LRSAM1: variants seen among roughly 807,000 people sequenced by gnomAD.
The protein encoded by LRSAM1 is E3 ubiquitin-protein ligase LRSAM1.
In LRSAM1, 96 loss-of-function variants were observed where a neutral mutation model predicts 118.1. The observed-to-expected ratio is 0.81, with a 90% CI of 0.69 to 0.96. The LOEUF is 0.96. LRSAM1 is among the 40% of genes least tolerant of loss of function. LRSAM1 has a pLI of 0.00. For missense variants in LRSAM1, 804 were observed against 915.5 expected, an observed-to-expected ratio of 0.88 and a Z score of 1.57; for synonymous variants, 322 against 364.2, an observed-to-expected ratio of 0.88 and a Z score of 1.32.
At position 127,484,496 on chromosome 9, in the gene LRSAM1, G is replaced by C. The variant is rs571464285; in HGVS notation, c.1160-1240G>C. Among the ~76,000 whole-genome samples the C allele has an allele frequency of 3.3e-5, 5 of 151,068 alleles. No individual in the cohort carries two copies. The East Asian group carries it at 9.8e-4, about 29-fold the overall frequency. On this transcript the variant is annotated intron_variant, in intron 16 of 25. Transcript: ENST00000300417. Reference sequence around the variant, plus strand: ...TCCCACTACAGCCTCCCAAGTAGTGGGGACTACAGACACATGCCACCTCAC... The same window carrying C: ...TCCCACTACAGCCTCCCAAGTAGTGCGGACTACAGACACATGCCACCTCAC...
At chr9:127,486,084 G>A (rs1255288043) in intron 17 of LRSAM1, among the ~76,000 whole-genome samples, 5 of 152,230 alleles carry the variant, frequency 3.3e-5, no homozygotes, top group Admixed American at 2.0e-4. Context: ...GCAGGCACTC[G>A]GCTAAGCGAT....
At position 127,483,016 on chromosome 9, in the gene LRSAM1, T is replaced by A. The variant is rs1018872298; in HGVS notation, c.1155T>A (p.Val385=). 1 of 1,604,762 alleles carries A rather than the reference T, an allele frequency of 6.2e-7. No individual in the cohort carries two copies. The highest frequency in any genetic ancestry group is 2.2e-5 in the East Asian group (1 of 44,492). ...CTGAGAGCCTGCGGCGACGTGACGT[T>A]GCCTGTGAGTTTTGGGATGGGGAGC... ...EETESLRRRD[V]ASAMQQMLTE... Residue 385 remains valine, a synonymous_variant, in exon 16 of 26, where the codon GTT becomes GTA. Transcript: ENST00000300417.
chr9:127,499,289 G>A (rs1027111234), intron 24 of LRSAM1, among the ~76,000 whole-genome samples: 3 of 152,080 alleles, frequency 2.0e-5, no homozygotes, highest in East Asian at 3.9e-4. Context: ...TGGGAGGATC[G>A]CTTGAGCTTG....
At chr9:127,457,552 G>C in intron 6 of LRSAM1, 159 bp downstream of exon 6, 2 of 728,854 alleles carry the variant, frequency 2.7e-6, no homozygotes, top group Non-Finnish European at 4.7e-6. Context: ...ACTTCTGTGG[G>C]CTGTGTGTGG....
chr9:127,480,747 G>A lies in LRSAM1; in HGVS notation c.1044-436G>A, dbSNP rs545981315. 3.3e-5 allele frequency among the ~76,000 whole-genome samples: 5 copies of A among 152,314 alleles called. No individual in the cohort carries two copies. In the South Asian group the frequency reaches 1.0e-3, roughly 32 times the overall value. ...GTGTCACTGAGGCTGGAGTGCAGTG[G>A]TGTGCTCTCGGCTCACTGCAACCTC... On this transcript the variant is annotated intron_variant, in intron 14 of 25. Coordinates refer to ENST00000300417, the MANE Select transcript of LRSAM1 (RefSeq NM_001005373.4).
chr9:127,457,983 A>C (rs1208518159), intron 6 of LRSAM1, among the ~76,000 whole-genome samples: 1 of 125,108 alleles, frequency 8.0e-6, no homozygotes, highest in East Asian at 2.0e-4. Flanking sequence ...TTTTTTTTTT[A>C]ATATTTTGCA....
Position 127,467,753 on chromosome 9 carries a change from A to T in LRSAM1, c.542A>T (p.Asp181Val), listed in dbSNP as rs1468659921. The stretch of plus-strand genomic sequence containing the variant: ...TTGTGTCTGCAGATGCTGAGCCTTG[A>T]CGCCTCGGCCATGGTCTACCCGCCG... The part of the protein sequence containing the change: ...HVRTLEMLSL[D>V]ASAMVYPPRE... The change falls in exon 10 of 26, where the codon GAC (aspartate) becomes GTC (valine). Residue 181 changes from aspartate (D) to valine (V), a missense_variant. Asp to Val is a radical substitution (Grantham distance 152). Transcript: ENST00000300417. 6.2e-7 allele frequency: 1 copy of T among 1,610,244 alleles called. No homozygotes were observed. The highest frequency in any genetic ancestry group is 8.5e-7 in the Non-Finnish European group (1 of 1,178,758).
intron 23 of LRSAM1, among the ~76,000 whole-genome samples, chr9:127,496,730 G>A (rs999319561): frequency 6.6e-6 from 1 of 152,150 alleles, no homozygotes; most frequent in Non-Finnish European, 1.5e-5. Flanking sequence ...CCCAGAGTTC[G>A]TGTTCTTTTT....
chr9:127,460,843 C>CTT (rs1339764652), intron 7 of LRSAM1, among the ~76,000 whole-genome samples: 10 of 88,044 alleles, frequency 1.1e-4, no homozygotes, highest in Admixed American at 4.0e-4. Context: ...CTTCCTGTTT[C>CTT]TTTCTTTTTT....
chr9:127,461,057 T>C (rs1175188640), intron 7 of LRSAM1, 116 bp from the exon 8 acceptor site: 5 of 680,598 alleles, frequency 7.3e-6, no homozygotes, highest in Admixed American at 2.0e-5. Context: ...GATTTCACTA[T>C]GTTGGCCAGG....
rs886063457 is a variant in LRSAM1, at chr9:127,481,212, C to T, written c.1073C>T (p.Ser358Leu). ...RQKKSSEILK[S>L]LENERIRMEQ... ...AAGAAAAGCTCCGAGATTTTGAAAT[C>T]GCTGGAAAATGAAAGGTAAGTGTTC... Residue 358 changes from serine (S) to leucine (L), a missense_variant, in exon 15 of 26, where the codon TCG becomes TTG. Transcript: ENST00000300417. 18 of 1,613,326 alleles carry T rather than the reference C, an allele frequency of 1.1e-5. No homozygotes were observed. The highest frequency in any genetic ancestry group is 1.7e-5 in the Admixed American group (1 of 59,960).
At chr9:127,469,286 A>G (rs956452666) in intron 10 of LRSAM1, among the ~76,000 whole-genome samples, 5 of 152,096 alleles carry the variant, frequency 3.3e-5, no homozygotes, top group Non-Finnish European at 5.9e-5. Context: ...CCTGGTCAAC[A>G]TGGTAAAACT....
chr9:127,502,686 CAAAAAAA>C (rs71380066), intron 25 of LRSAM1, 81 bp from the exon 26 acceptor site: 225 of 898,586 alleles, frequency 2.5e-4, no homozygotes, highest in Non-Finnish European at 2.7e-4. Flanking sequence ...GACTCTGTCT[CAAAAAAA>C]AAAAAAAAAA....
chr9:127,451,699 A>G (rs1255313548), intron 1 of LRSAM1, 30 bp downstream of exon 1: 1 of 261,536 alleles, frequency 3.8e-6, no homozygotes, highest in Non-Finnish European at 7.6e-6. Flanking sequence ...CCGTCACCCA[A>G]TCCCAGAGCC....
intron 16 of LRSAM1, 135 bp downstream of exon 16, chr9:127,483,155 A>G (rs1835603491): frequency 2.5e-6 from 2 of 801,454 alleles, no homozygotes; most frequent in Admixed American, 4.1e-5. Flanking sequence ...AAGTCCTGCC[A>G]TGGAGCACAG....
intron 17 of LRSAM1, 198 bp from the exon 18 acceptor site, chr9:127,487,478 G>A (rs543612655): frequency 7.4e-5 from 41 of 552,832 alleles, no homozygotes; most frequent in South Asian, 7.0e-4. Flanking sequence ...CTCCCAACTC[G>A]ATCCCCTTCC....
At chr9:127,472,327 T>G (rs1835203598) in intron 10 of LRSAM1, among the ~76,000 whole-genome samples, 2 of 152,162 alleles carry the variant, frequency 1.3e-5, no homozygotes, top group African/African-American at 4.8e-5. Flanking sequence ...GTGTGTAAAA[T>G]TTGTTTTTTG....
intron 19 of LRSAM1, among the ~76,000 whole-genome samples, chr9:127,490,434 T>C (rs959635470): frequency 4.6e-5 from 7 of 151,978 alleles, no homozygotes; most frequent in Admixed American, 4.6e-4. Flanking sequence ...GTACTGGCTA[T>C]GGGGTCTGAC....
At chr9:127,497,914 T>C (rs1357593594) in intron 24 of LRSAM1, among the ~76,000 whole-genome samples, 3 of 152,232 alleles carry the variant, frequency 2.0e-5, no homozygotes, top group Non-Finnish European at 4.4e-5. Flanking sequence ...GGCACTGTTG[T>C]GGTCCTCATT....
Sources: allele counts gnomAD v4.1 joint callset (sites outside exome capture counted in the v4.1 genomes callset), GRCh38; gene constraint gnomAD v4.1.1; transcripts MANE v1.5; gene names NCBI Gene and HGNC (gene_info 2026-07-23, HGNC 2026-07-21).